GRIA1: variants seen among roughly 807,000 people sequenced by gnomAD.
GRIA1 encodes glutamate receptor 1.
A neutral mutation model predicts 99.2 loss-of-function variants in GRIA1; 31 were observed. That is an observed-to-expected ratio of 0.31 (90% CI 0.23 to 0.42). GRIA1 has a LOEUF of 0.42. GRIA1 is among the 10% of genes least tolerant of loss of function. The pLI is 1.00. For missense variants in GRIA1, 782 were observed against 1,157.5 expected (o/e 0.68, Z 4.71); for synonymous variants, 438 against 432.4 (o/e 1.01, Z -0.16).
chr5:153,532,746 C>T (rs1241035607), intron 2 of GRIA1, among the ~76,000 whole-genome samples: 2 of 152,128 alleles, frequency 1.3e-5, no homozygotes, highest in Non-Finnish European at 2.9e-5. Flanking sequence ...CTGGTGTTTC[C>T]GGTTTGGGAA....
In GRIA1 at chr5:153,516,338, T is replaced by C. The variant is rs531367520; in HGVS notation, c.220+22273T>C. Among the ~76,000 whole-genome samples the C allele has an allele frequency of 2.0e-5, 3 of 151,806 alleles. No homozygotes were observed. The South Asian group carries it at 6.3e-4, about 32-fold the overall frequency. ...TATAAACATCTAGTTGCCAGACCCA[T>C]GCTTGGAGTCTCAGGGCTAAAAGAA... On this transcript the variant is annotated intron_variant, in intron 2 of 15. Coordinates refer to ENST00000285900, the MANE Select transcript of GRIA1 (RefSeq NM_000827.4).
intron 2 of GRIA1, among the ~76,000 whole-genome samples, chr5:153,635,757 C>T (rs902117814): frequency 6.6e-6 from 1 of 152,176 alleles, no homozygotes; most frequent in African/African-American, 2.4e-5. Context: ...TCAAAGGGTC[C>T]ATCCACAATG....
intron 2 of GRIA1, among the ~76,000 whole-genome samples, chr5:153,638,434 T>A (rs1457453796): frequency 6.6e-6 from 1 of 152,250 alleles, no homozygotes; most frequent in African/African-American, 2.4e-5. Context: ...GTTGGTTTGA[T>A]ATGCCCAGCA....
chr5:153,726,022 G>C (rs1760499572), intron 11 of GRIA1, among the ~76,000 whole-genome samples: 1 of 149,878 alleles, frequency 6.7e-6, no homozygotes, highest in South Asian at 2.2e-4. Flanking sequence ...TAAAAGAACA[G>C]AAATTATAAC....
intron 2 of GRIA1, among the ~76,000 whole-genome samples, chr5:153,527,559 AG>A (rs759944852): frequency 2.0e-5 from 3 of 152,152 alleles, no homozygotes; most frequent in Non-Finnish European, 4.4e-5. Flanking sequence ...TAAGTGGATT[AG>A]GCGGGGAAGA....
At chr5:153,714,338 G>A (rs181876695) in intron 11 of GRIA1, among the ~76,000 whole-genome samples, 8 of 152,138 alleles carry the variant, frequency 5.3e-5, no homozygotes, top group Admixed American at 2.6e-4. Context: ...TTGGAATATC[G>A]TATTTATATA....
chr5:153,550,376 C>A (rs1418857941), intron 2 of GRIA1, among the ~76,000 whole-genome samples: 1 of 150,568 alleles, frequency 6.6e-6, no homozygotes, highest in African/African-American at 2.4e-5. Flanking sequence ...TTGGGGTGGG[C>A]TTTAAAAGAT....
chr5:153,506,250 T>A (rs1755479361), intron 2 of GRIA1, among the ~76,000 whole-genome samples: 1 of 151,690 alleles, frequency 6.6e-6, no homozygotes, highest in African/African-American at 2.4e-5. Context: ...GGTGATGGAA[T>A]TGGCTATACT....
chr5:153,681,799 G>C (rs2149492413), intron 7 of GRIA1, among the ~76,000 whole-genome samples: 1 of 152,234 alleles, frequency 6.6e-6, no homozygotes, highest in East Asian at 1.9e-4. Flanking sequence ...ACTTTGGGAG[G>C]CTGAGGTGGG....
intron 2 of GRIA1, among the ~76,000 whole-genome samples, chr5:153,523,014 A>AGATC (rs1561608538): frequency 1.3e-5 from 1 of 74,164 alleles, no homozygotes; most frequent in African/African-American, 4.8e-5. Flanking sequence ...CTTGTTCCTG[A>AGATC]TATCTCTCTC....
intron 2 of GRIA1, among the ~76,000 whole-genome samples, chr5:153,599,902 C>T (rs1764743915): frequency 6.6e-6 from 1 of 151,984 alleles, no homozygotes; most frequent in African/African-American, 2.4e-5. Flanking sequence ...TGAGAAATAG[C>T]ATAAGTAAAA....
chr5:153,512,728 G>T (rs181719768), intron 2 of GRIA1, among the ~76,000 whole-genome samples: 1 of 152,186 alleles, frequency 6.6e-6, no homozygotes, highest in Non-Finnish European at 1.5e-5. Flanking sequence ...GTTTAAACTT[G>T]TTCTCTCCAG....
At position 153,662,169 on chromosome 5, in the gene GRIA1, C is replaced by T. The variant is rs192377937; in HGVS notation, c.699+6297C>T. 7.9e-5 allele frequency among the ~76,000 whole-genome samples: 12 copies of T among 152,318 alleles called. No homozygotes were observed. The East Asian group carries it at 1.9e-3, about 25-fold the overall frequency. ...CCTTGCTTACTCTTTGGTGTTTGCA[C>T]CTTCAGTCTGGACACACCCCTGTTC... On this transcript the variant is annotated intron_variant, in intron 5 of 15. Transcript: ENST00000285900.
At chr5:153,577,130 G>GTGGA (rs1246565334) in intron 2 of GRIA1, among the ~76,000 whole-genome samples, 2 of 98,644 alleles carry the variant, frequency 2.0e-5, no homozygotes, top group African/African-American at 7.1e-5. Context: ...AGATGAATGG[G>GTGGA]TGGATGGATG....
chr5:153,782,037 A>G (rs1282530322), intron 13 of GRIA1, among the ~76,000 whole-genome samples: 1 of 152,200 alleles, frequency 6.6e-6, no homozygotes, highest in African/African-American at 2.4e-5. Flanking sequence ...TTCTCTAAGA[A>G]ACAAATCCAC....
At chr5:153,552,732 G>C (rs1003430286) in intron 2 of GRIA1, among the ~76,000 whole-genome samples, 1 of 152,096 alleles carries the variant, frequency 6.6e-6, no homozygotes, top group East Asian at 1.9e-4. Flanking sequence ...CAGATTCTGT[G>C]GGGGCAGGGT....
chr5:153,620,186 C>T (rs1766899170), intron 2 of GRIA1, among the ~76,000 whole-genome samples: 1 of 152,072 alleles, frequency 6.6e-6, no homozygotes, highest in Non-Finnish European at 1.5e-5. Context: ...TTTCTTTGCA[C>T]TATGAATAAT....
chr5:153,527,183 T>G (rs1757677958), intron 2 of GRIA1, among the ~76,000 whole-genome samples: 2 of 152,128 alleles, frequency 1.3e-5, no homozygotes, highest in African/African-American at 4.8e-5. Flanking sequence ...TCGCAAAAAT[T>G]CAAAATCCCT....
chr5:153,733,939 T>C (rs1361866616), intron 11 of GRIA1, among the ~76,000 whole-genome samples: 1 of 152,156 alleles, frequency 6.6e-6, no homozygotes, highest in African/African-American at 2.4e-5. Flanking sequence ...CTTTCAACAA[T>C]GGATAACTTA....
Sources: allele counts gnomAD v4.1 joint callset (sites outside exome capture counted in the v4.1 genomes callset), GRCh38; gene constraint gnomAD v4.1.1; transcripts MANE v1.5; gene names NCBI Gene and HGNC (gene_info 2026-07-23, HGNC 2026-07-21).